The following MGAT5 variants were observed in gnomAD, a reference collection of about 807,000 sequenced individuals.
The protein encoded by MGAT5 is alpha-1,6-mannosylglycoprotein 6-beta-N-acetylglucosaminyltransferase, also known as alpha-1,6-mannosylglycoprotein 6-beta-N-acetylglucosaminyltransferase A.
In MGAT5, 30 loss-of-function variants were observed where a neutral mutation model predicts 94.3. That is an observed-to-expected ratio of 0.32 (90% CI 0.24 to 0.43). MGAT5 has a LOEUF of 0.43. Among genes scored for constraint, MGAT5 ranks in the 20% least tolerant of loss-of-function variants. The pLI is 1.00. For synonymous variants in MGAT5, 310 were observed against 322.9 expected (o/e 0.96, Z 0.43); for missense variants, 691 against 905.5 (o/e 0.76, Z 3.04).
At chr2:134,259,270 A>G (rs1683171860) in intron 1 of MGAT5, among the ~76,000 whole-genome samples, 1 of 152,132 alleles carries the variant, frequency 6.6e-6, no homozygotes, top group Admixed American at 6.5e-5. Context: ...GGCAGGGGCC[A>G]TGCCTGCCAG....
At chr2:134,176,078 C>T (rs1688449574) in intron 1 of MGAT5, among the ~76,000 whole-genome samples, 1 of 152,094 alleles carries the variant, frequency 6.6e-6, no homozygotes, top group Admixed American at 6.6e-5. Flanking sequence ...ATGGCTAGCA[C>T]GTTGGAGGGG....
intron 1 of MGAT5, among the ~76,000 whole-genome samples, chr2:134,219,953 A>T (rs1037674655): frequency 6.6e-6 from 1 of 152,182 alleles, no homozygotes; most frequent in Non-Finnish European, 1.5e-5. Flanking sequence ...AACTGAATTC[A>T]TAGGAGTAAA....
chr2:134,130,292 C>T (rs1200153872), intron 1 of MGAT5, among the ~76,000 whole-genome samples: 2 of 123,910 alleles, frequency 1.6e-5, no homozygotes, highest in African/African-American at 3.0e-5. Flanking sequence ...GGTGGGCTCC[C>T]GAGTGGCCTG....
chr2:134,419,304 C>T (rs1370331715), intron 12 of MGAT5, among the ~76,000 whole-genome samples: 1 of 152,102 alleles, frequency 6.6e-6, no homozygotes, highest in Non-Finnish European at 1.5e-5. Context: ...TTCCGCAAGG[C>T]CTTAAGTAAT....
intron 1 of MGAT5, among the ~76,000 whole-genome samples, chr2:134,229,885 A>G (rs1009286612): frequency 1.3e-5 from 2 of 152,220 alleles, no homozygotes; most frequent in East Asian, 1.9e-4. Flanking sequence ...CCCCAAAAGA[A>G]AAACAAATAA....
At chr2:134,180,061 C>G (rs1688662487) in intron 1 of MGAT5, among the ~76,000 whole-genome samples, 2 of 152,170 alleles carry the variant, frequency 1.3e-5, no homozygotes, top group African/African-American at 4.8e-5. Flanking sequence ...AGAAGTTATC[C>G]TATATGGTCT....
chr2:134,427,745 A>G (rs1261677891), intron 13 of MGAT5, among the ~76,000 whole-genome samples: 1 of 152,138 alleles, frequency 6.6e-6, no homozygotes, highest in Non-Finnish European at 1.5e-5. Context: ...TTGACCCTCT[A>G]GCCTCCCAGG....
intron 1 of MGAT5, among the ~76,000 whole-genome samples, chr2:134,243,356 T>C (rs1015239239): frequency 5.3e-5 from 8 of 152,176 alleles, no homozygotes; most frequent in African/African-American, 1.9e-4. Flanking sequence ...GAAACTCTCC[T>C]GAGAAGCTCC....
intron 1 of MGAT5, among the ~76,000 whole-genome samples, chr2:134,142,820 G>A (rs1338883419): frequency 1.3e-5 from 2 of 152,124 alleles, no homozygotes; most frequent in African/African-American, 4.8e-5. Flanking sequence ...AGGTCTCACT[G>A]TGTTGCCCAG....
At chr2:134,196,046 T>C (rs1324954610) in intron 1 of MGAT5, among the ~76,000 whole-genome samples, 1 of 152,218 alleles carries the variant, frequency 6.6e-6, no homozygotes, top group Non-Finnish European at 1.5e-5. Context: ...AGCAACTTTT[T>C]CCCCAACATA....
At chr2:134,369,129 C>T (rs558635485) in intron 10 of MGAT5, among the ~76,000 whole-genome samples, 2 of 152,218 alleles carry the variant, frequency 1.3e-5, no homozygotes, top group South Asian at 4.1e-4. Flanking sequence ...GTGGTAGGCA[C>T]TCGGAAACTA....
chr2:134,323,980 A>G (rs760394331), intron 4 of MGAT5, among the ~76,000 whole-genome samples: 1 of 152,150 alleles, frequency 6.6e-6, no homozygotes, highest in African/African-American at 2.4e-5. Flanking sequence ...TGTTTCAGGT[A>G]TATTAACTTA....
intron 11 of MGAT5, among the ~76,000 whole-genome samples, chr2:134,408,223 C>G (rs1683454067): frequency 6.6e-6 from 1 of 152,142 alleles, no homozygotes; most frequent in African/African-American, 2.4e-5. Context: ...GAGATGATGC[C>G]TGAGTGGACT....
At chr2:134,175,594 C>T (rs554097309) in intron 1 of MGAT5, among the ~76,000 whole-genome samples, 100 of 152,314 alleles carry the variant, frequency 6.6e-4, no homozygotes, top group South Asian at 6.2e-3. Flanking sequence ...CTTCCTCTTT[C>T]CTCCCTCCTC....
rs117803132 is a variant in MGAT5 at position 134,273,376 on chromosome 2, C to G, written c.406+2826C>G. On this transcript the variant is annotated intron_variant, in intron 2 of 15. Coordinates refer to ENST00000281923, the MANE Select transcript of MGAT5 (RefSeq NM_002410.5). ...CAGTTTTATGGGGTTCCAATCCTCG[C>G]CAAGTAAAGTTTTTCTCTCTCCCTT... 2.5e-3 allele frequency among the ~76,000 whole-genome samples: 374 copies of G among 152,234 alleles called. 8 individuals are homozygous for G. In the East Asian group the frequency reaches 0.06, roughly 24 times the overall value.
In MGAT5 at chr2:134,375,777, T is replaced by G. The variant is rs150492864; in HGVS notation, c.1380+13369T>G. Among the ~76,000 whole-genome samples, 347 of 152,314 alleles carry G rather than the reference T, an allele frequency of 2.3e-3. 5 individuals carry two copies. The highest frequency in any genetic ancestry group is 0.019 in the East Asian group (99 of 5,180). ...GAAAAGGCAGGAGTGATTGTCCACA[T>G]GTGGGTTGGGGGGATTTCATCTCAC... On this transcript the variant is annotated intron_variant, in intron 10 of 15. Transcript: ENST00000281923.
intron 4 of MGAT5, among the ~76,000 whole-genome samples, chr2:134,320,915 A>G (rs560683457): frequency 5.9e-5 from 9 of 152,192 alleles, no homozygotes; most frequent in African/African-American, 2.2e-4. Context: ...ACCGGGCTCC[A>G]TGATTTTTTG....
At chr2:134,315,923 T>A (rs1686971337) in intron 2 of MGAT5, among the ~76,000 whole-genome samples, 1 of 152,132 alleles carries the variant, frequency 6.6e-6, no homozygotes, top group African/African-American at 2.4e-5. Flanking sequence ...AAATAACTGG[T>A]TTTCAAGGGG....
At chr2:134,420,032 G>T in intron 12 of MGAT5, among the ~76,000 whole-genome samples, 2 of 152,172 alleles carry the variant, frequency 1.3e-5, no homozygotes, top group East Asian at 3.9e-4. Context: ...TAAAAAGCTG[G>T]TGTTTACATT....
Sources: gnomAD v4.1 joint callset for allele counts (sites outside exome capture counted in the v4.1 genomes callset) on GRCh38, gnomAD v4.1.1 for gene constraint, MANE v1.5 for transcripts, NCBI Gene and HGNC (gene_info 2026-07-23, HGNC 2026-07-21) for gene names.